KRABD2: variants seen among roughly 807,000 people sequenced by gnomAD.
The protein encoded by KRABD2 is KRAB domain containing 2.
chr17:8,360,797 A>G, the KRABD2 span, among the ~76,000 whole-genome samples: 21 of 152,232 alleles, frequency 1.4e-4, no homozygotes, highest in South Asian at 6.2e-4. Context: ...TTACAATTCA[A>G]CAACCCAAAG....
chr17:8,366,649 G>A, the KRABD2 span, among the ~76,000 whole-genome samples: 4 of 152,166 alleles, frequency 2.6e-5, no homozygotes, highest in African/African-American at 9.6e-5. Context: ...GGGAAACAGA[G>A]CCCAGTTGGT....
the KRABD2 span, among the ~76,000 whole-genome samples, chr17:8,366,790 C>T: frequency 1.8e-3 from 275 of 152,032 alleles, 2 homozygotes; most frequent in Admixed American, 3.1e-3. Context: ...GGCATGATCT[C>T]GGCTCACTGC....
At chr17:8,370,615 G>A in the KRABD2 span, among the ~76,000 whole-genome samples, 2 of 152,110 alleles carry the variant, frequency 1.3e-5, no homozygotes, top group African/African-American at 4.8e-5. Context: ...AATATGTAGA[G>A]GTTTTAGACT....
chr17:8,371,158 A>G, the KRABD2 span: 2 of 632,994 alleles, frequency 3.2e-6, no homozygotes, highest in East Asian at 2.8e-5. Context: ...CGACAAAGCG[A>G]GACTGTTTCA....
the KRABD2 span, among the ~76,000 whole-genome samples, chr17:8,375,049 TCA>T: frequency 6.6e-6 from 1 of 150,818 alleles, no homozygotes; most frequent in Non-Finnish European, 1.5e-5. Context: ...TTTTGCTCTG[TCA>T]TCCAGGCTGG....
chr17:8,361,681 C>G, the KRABD2 span, among the ~76,000 whole-genome samples: 1 of 152,132 alleles, frequency 6.6e-6, no homozygotes, highest in Non-Finnish European at 1.5e-5. Flanking sequence ...CCTCAGCCAC[C>G]CAAGTAGCTG....
chr17:8,369,700 C>A, the KRABD2 span: 1 of 1,613,970 alleles, frequency 6.2e-7, no homozygotes. Context: ...ACACTGACCA[C>A]CTCATGGGCC....
chr17:8,369,873 C>T, the KRABD2 span: 1 of 1,614,178 alleles, frequency 6.2e-7, no homozygotes, highest in Admixed American at 1.7e-5. Context: ...TGCAAGGCCT[C>T]TCTTGGGTAC....
the KRABD2 span, chr17:8,371,184 T>A: frequency 2.3e-6 from 2 of 863,024 alleles, no homozygotes; most frequent in Non-Finnish European, 3.5e-6. Flanking sequence ...AAAAAATTTC[T>A]TATGGCTGAG....
At chr17:8,374,774 G>A in the KRABD2 span, among the ~76,000 whole-genome samples, 34 of 149,956 alleles carry the variant, frequency 2.3e-4, no homozygotes, top group African/African-American at 8.1e-4. Context: ...AGGAAACCCC[G>A]TCTCTACCAA....
the KRABD2 span, among the ~76,000 whole-genome samples, chr17:8,375,368 C>T: frequency 6.6e-6 from 1 of 152,240 alleles, no homozygotes; most frequent in Admixed American, 6.5e-5. Flanking sequence ...GCATTGCTGC[C>T]TGGCAATAAC....
the KRABD2 span, chr17:8,359,653 C>G: frequency 2.2e-6 from 1 of 456,006 alleles, no homozygotes; most frequent in South Asian, 1.5e-5. Flanking sequence ...GAGAGGCTCT[C>G]TTCCTGATAC....
the KRABD2 span, chr17:8,375,675 G>A: frequency 1.2e-5 from 2 of 162,480 alleles, no homozygotes; most frequent in African/African-American, 4.9e-5. Context: ...TGCGTCACCA[G>A]ACCCAGCTAA....
At chr17:8,366,221 C>T in the KRABD2 span, among the ~76,000 whole-genome samples, 1 of 152,180 alleles carries the variant, frequency 6.6e-6, no homozygotes, top group South Asian at 2.1e-4. Context: ...ATTAAATTCA[C>T]TGAACACTTT....
chr17:8,373,378 G>C, the KRABD2 span: 1 of 163,364 alleles, frequency 6.1e-6, no homozygotes, highest in East Asian at 1.9e-4. Flanking sequence ...GTTTCGCCGT[G>C]TTGGCCGGGC....
the KRABD2 span, among the ~76,000 whole-genome samples, chr17:8,370,868 TCAA>T: frequency 6.6e-6 from 1 of 152,052 alleles, no homozygotes; most frequent in African/African-American, 2.4e-5. Context: ...CTTCCCATGA[TCAA>T]CAGAAACAAT....
the KRABD2 span, among the ~76,000 whole-genome samples, chr17:8,368,048 T>A: frequency 2.7e-5 from 4 of 147,046 alleles, no homozygotes; most frequent in East Asian, 8.0e-4. Context: ...GGCCCAGGAG[T>A]TTGAGACCAG....
the KRABD2 span, among the ~76,000 whole-genome samples, chr17:8,372,904 TAAA>T: frequency 1.3e-5 from 2 of 149,704 alleles, no homozygotes; most frequent in Admixed American, 6.6e-5. This position sits in a 1 kb window ranked among gnomAD's most constrained non-coding sequence, Gnocchi z 4.1. Context: ...TCTCTAAAAA[TAAA>T]AAAAAGAAAA....
chr17:8,361,080 C>T, the KRABD2 span, among the ~76,000 whole-genome samples: 1 of 152,156 alleles, frequency 6.6e-6, no homozygotes, highest in Non-Finnish European at 1.5e-5. Context: ...GTTCCTTCTA[C>T]CCCTAGAGCT....
Sources: allele counts gnomAD v4.1 joint callset (sites outside exome capture counted in the v4.1 genomes callset), GRCh38; gene constraint gnomAD v4.1.1; non-coding constraint Gnocchi (gnomAD v3.1); transcripts MANE v1.5; gene names NCBI Gene and HGNC (gene_info 2026-07-23, HGNC 2026-07-21).